The following METTL25 variants were observed in gnomAD, a reference collection of about 807,000 sequenced individuals.
METTL25 encodes probable methyltransferase-like protein 25.
METTL25 carries 64 observed loss-of-function variants against 71.6 expected under a neutral mutation model. That is an observed-to-expected ratio of 0.89 (90% CI 0.73 to 1.10). METTL25 has a LOEUF of 1.10. METTL25 is among the 50% of genes least tolerant of loss of function. The probability of loss-of-function intolerance (pLI) is 0.00; values close to 1 mark genes in which losing one functional copy is unlikely to be tolerated. For synonymous variants in METTL25, 287 were observed against 250.3 expected, an observed-to-expected ratio of 1.15 and a Z score of -1.38; for missense variants, 807 against 707.0, an observed-to-expected ratio of 1.14 and a Z score of -1.60.
intron 8 of METTL25, among the ~76,000 whole-genome samples, chr12:82,452,807 C>T (rs562022773): frequency 6.6e-6 from 1 of 152,142 alleles, no homozygotes; most frequent in Admixed American, 6.6e-5. Flanking sequence ...CTGAAAAAGT[C>T]CCTTTTTTCT....
chr12:82,444,218 T>C (rs911135920), intron 8 of METTL25, among the ~76,000 whole-genome samples: 3 of 152,082 alleles, frequency 2.0e-5, no homozygotes, highest in African/African-American at 7.2e-5. Flanking sequence ...GGCAACAAAC[T>C]TCTCAGTGGA....
At chr12:82,373,859 G>A (rs1271952182) in intron 1 of METTL25, among the ~76,000 whole-genome samples, 1 of 152,202 alleles carries the variant, frequency 6.6e-6, no homozygotes, top group South Asian at 2.1e-4. Flanking sequence ...TTAGTCTGGA[G>A]GTCATGCTAG....
In METTL25 at chr12:82,399,239, A is replaced by C. The variant is rs1338685117; in HGVS notation, c.976A>C (p.Thr326Pro). ...NLLPINAVEPTSSQQIPNRET... is the reference protein window; with the variant it reads ...NLLPINAVEPPSSQQIPNRET... Reference sequence around the variant, plus strand: ...TTTGCCTATTAATGCTGTAGAGCCTACTTCTTCACAGCAAATACCCAACAG... The same window carrying C: ...TTTGCCTATTAATGCTGTAGAGCCTCCTTCTTCACAGCAAATACCCAACAG... Residue 326 changes from threonine (T) to proline (P), a missense_variant, in exon 4 of 12, where the codon ACT becomes CCT. Coordinates refer to ENST00000248306, the MANE Select transcript of METTL25 (RefSeq NM_032230.3). 1 of 1,613,560 alleles carries C rather than the reference A, an allele frequency of 6.2e-7. No homozygotes were observed. Among genetic ancestry groups the C allele is most frequent in the Non-Finnish European group, 8.5e-7 (1 of 1,179,696 alleles).
At chr12:82,470,952 C>T (rs541450898) in intron 9 of METTL25, among the ~76,000 whole-genome samples, 1 of 152,260 alleles carries the variant, frequency 6.6e-6, no homozygotes, top group African/African-American at 2.4e-5. Context: ...CTGAATAATT[C>T]ATGCTTGGGG....
intron 1 of METTL25, among the ~76,000 whole-genome samples, chr12:82,371,174 T>C (rs1157063610): frequency 6.6e-6 from 1 of 152,208 alleles, no homozygotes; most frequent in Non-Finnish European, 1.5e-5. Flanking sequence ...GACAGGAGAT[T>C]AGCACTGAGA....
At chr12:82,411,424 C>A (rs1165644770) in intron 5 of METTL25, among the ~76,000 whole-genome samples, 1 of 151,894 alleles carries the variant, frequency 6.6e-6, no homozygotes, top group African/African-American at 2.4e-5. Flanking sequence ...AAGGGAGAAT[C>A]AAGTTTTGGG....
At chr12:82,447,783 C>T (rs1414203084) in intron 8 of METTL25, among the ~76,000 whole-genome samples, 1 of 152,062 alleles carries the variant, frequency 6.6e-6, no homozygotes, top group Non-Finnish European at 1.5e-5. Context: ...ATGCCTTACA[C>T]ATGTTTTGTA....
At chr12:82,462,655 C>G (rs1457259567) in intron 9 of METTL25, among the ~76,000 whole-genome samples, 2 of 151,952 alleles carry the variant, frequency 1.3e-5, no homozygotes, top group Non-Finnish European at 2.9e-5. Flanking sequence ...AATTTTTAAG[C>G]ATTTAATTTA....
chr12:82,474,536 A>G (rs940937564), intron 9 of METTL25: 1 of 152,108 alleles, frequency 6.6e-6, no homozygotes, highest in Non-Finnish European at 1.5e-5. Context: ...GTCTGTGGGT[A>G]CAGAACCTGC....
intron 6 of METTL25, 28 bp from the exon 7 acceptor site, chr12:82,434,667 C>G: frequency 6.2e-7 from 1 of 1,602,166 alleles, no homozygotes; most frequent in Non-Finnish European, 8.5e-7. Flanking sequence ...AATATATCAA[C>G]AATCTGTCTT....
Position 82,456,707 on chromosome 12 carries a change from T to C in METTL25, c.1479-20T>C. 7.0e-7 allele frequency: 1 copy of C among 1,430,810 alleles called. No homozygotes were observed. Among genetic ancestry groups the C allele is most frequent in the Non-Finnish European group, 9.6e-7 (1 of 1,043,582 alleles). 88.6% of individuals were successfully genotyped at this position (1,430,810 alleles called of 1,614,324 possible). A position where few individuals can be genotyped will look rare whatever the true frequency, so the allele number is the denominator to read the frequency against. On this transcript the variant is annotated intron_variant, in intron 8 of 11. Coordinates refer to ENST00000248306, the MANE Select transcript of METTL25 (RefSeq NM_032230.3). ...ATTTACATTGGAAAAACTAAAAATTTATTCAATTTTGTTTTACAGTGATCG... is the reference window on the plus strand; with the variant it reads ...ATTTACATTGGAAAAACTAAAAATTCATTCAATTTTGTTTTACAGTGATCG...
intron 5 of METTL25, among the ~76,000 whole-genome samples, chr12:82,412,241 A>C (rs1188063247): frequency 6.6e-6 from 1 of 152,164 alleles, no homozygotes; most frequent in Non-Finnish European, 1.5e-5. Flanking sequence ...ACTTAATCTT[A>C]TAACACATGC....
At chr12:82,466,041 T>G (rs1204778514) in intron 9 of METTL25, among the ~76,000 whole-genome samples, 2 of 151,458 alleles carry the variant, frequency 1.3e-5, no homozygotes, top group Non-Finnish European at 3.0e-5. Flanking sequence ...GTTTATCTTT[T>G]CAAAAAAACA....
chr12:82,426,227 C>G (rs1026094178), intron 5 of METTL25, among the ~76,000 whole-genome samples: 1 of 152,006 alleles, frequency 6.6e-6, no homozygotes, highest in Non-Finnish European at 1.5e-5. Flanking sequence ...TTTGCTGCCT[C>G]CTTATCAGTT....
Position 82,381,468 on chromosome 12 carries a change from A to G in METTL25, c.260-5335A>G, listed in dbSNP as rs114575366. Reference sequence around the variant, plus strand: ...CTAAGAGCATGGTTTGCATGTTTATATAACATTTTTTCACTTCATATGCAA... The same window carrying G: ...CTAAGAGCATGGTTTGCATGTTTATGTAACATTTTTTCACTTCATATGCAA... On this transcript the variant is annotated intron_variant, in intron 1 of 11. Coordinates refer to ENST00000248306, the MANE Select transcript of METTL25 (RefSeq NM_032230.3). 3.7e-3 allele frequency among the ~76,000 whole-genome samples: 567 copies of G among 152,336 alleles called. 3 individuals are homozygous for G. Among genetic ancestry groups the G allele is most frequent in the African/African-American group, 0.013 (541 of 41,578 alleles).
chr12:82,463,939 TTTG>T (rs963308184), intron 9 of METTL25, among the ~76,000 whole-genome samples: 14 of 151,688 alleles, frequency 9.2e-5, no homozygotes, highest in South Asian at 2.1e-4. Context: ...GGTGTTTGGG[TTTG>T]TTGTTGTTGT....
intron 9 of METTL25, among the ~76,000 whole-genome samples, chr12:82,473,461 G>A (rs1211553454): frequency 1.3e-5 from 2 of 152,126 alleles, no homozygotes; most frequent in Admixed American, 1.3e-4. Context: ...CTGGCTTGGA[G>A]GCTTGTATAC....
At chr12:82,402,915 A>G in intron 4 of METTL25, 68 bp from the exon 5 acceptor site, 1 of 1,219,536 alleles carries the variant, frequency 8.2e-7, no homozygotes, top group African/African-American at 1.5e-5. Flanking sequence ...GTATGTAAAA[A>G]TAAATAAAAA....
chr12:82,406,371 C>A (rs1377929780), intron 5 of METTL25, among the ~76,000 whole-genome samples: 2 of 151,770 alleles, frequency 1.3e-5, no homozygotes, highest in Admixed American at 6.6e-5. Flanking sequence ...ATGTATCTTT[C>A]TAGAAAAAAA....
Sources: allele counts gnomAD v4.1 joint callset (sites outside exome capture counted in the v4.1 genomes callset), GRCh38; gene constraint gnomAD v4.1.1; transcripts MANE v1.5; gene names NCBI Gene and HGNC (gene_info 2026-07-23, HGNC 2026-07-21).